The following SV2C variants were observed in gnomAD, a reference collection of about 807,000 sequenced individuals.
The protein encoded by SV2C is solute carrier family 22 member B3.
Under a neutral mutation model 79.7 loss-of-function variants are expected in SV2C, and 49 were observed. The ratio of observed to expected loss-of-function variants is 0.61; its 90% CI spans 0.49 to 0.78. The LOEUF (loss-of-function observed/expected upper bound fraction) is 0.78, where lower values mean the gene tolerates loss of function less well. Ranked by LOEUF, SV2C falls within the 30% of genes least tolerant of loss-of-function variation. SV2C has a pLI of 0.00. For missense variants in SV2C, 833 were observed against 912.9 expected, an observed-to-expected ratio of 0.91 and a Z score of 1.13; for synonymous variants, 334 against 333.2, an observed-to-expected ratio of 1.00 and a Z score of -0.03.
chr5:76,273,441 T>C (rs1326341300), intron 4 of SV2C, among the ~76,000 whole-genome samples: 2 of 151,742 alleles, frequency 1.3e-5, no homozygotes, highest in Non-Finnish European at 2.9e-5. Flanking sequence ...CCTCATTCAC[T>C]CTTTGCATAT....
At chr5:75,996,316 A>G in the SV2C span, among the ~76,000 whole-genome samples, 4 of 152,110 alleles carry the variant, frequency 2.6e-5, no homozygotes, top group African/African-American at 9.7e-5. Flanking sequence ...ATTATTTCTG[A>G]GGGCTCTGTT....
chr5:76,030,289 T>TTTTTTTTTTTATTTA, the SV2C span, among the ~76,000 whole-genome samples: 111 of 117,868 alleles, frequency 9.4e-4, no homozygotes, highest in African/African-American at 4.1e-3. Context: ...TTTTTTTTTT[T>TTTTTTTTTTTATTTA]TTTATTTATT....
At chr5:76,169,451 G>T (rs6872561) in intron 2 of SV2C, among the ~76,000 whole-genome samples, 1,980 of 152,240 alleles carry the variant, frequency 0.013, 46 homozygotes, top group African/African-American at 0.045. Context: ...TATTACAAAG[G>T]CATAAGTAGG....
Position 76,333,575 on chromosome 5 carries a change from G to A in SV2C, c.*8028G>A, listed in dbSNP as rs989636726. 6.6e-6 allele frequency: 1 copy of A among 152,066 alleles called. No homozygotes were observed. The highest frequency in any genetic ancestry group is 2.4e-5 in the African/African-American group (1 of 41,394). 9.4% of individuals were successfully genotyped at this position (152,066 alleles called of 1,614,324 possible). ...CTGTGTAAGATCTCCTGCTATGAAT[G>A]TTCCAGTTACCCCTATTGTACTGTA... On this transcript the variant is annotated 3_prime_UTR_variant, in exon 13 of 13. Coordinates refer to ENST00000502798, the MANE Select transcript of SV2C (RefSeq NM_014979.4).
chr5:76,209,938 G>C (rs186312633), intron 4 of SV2C, 51 bp downstream of exon 4: 4 of 1,551,726 alleles, frequency 2.6e-6, no homozygotes, highest in Non-Finnish European at 3.5e-6. Flanking sequence ...TTTGCTTCAG[G>C]CTCCATTCCC....
chr5:76,073,861 G>C, the SV2C span, among the ~76,000 whole-genome samples: 1 of 151,994 alleles, frequency 6.6e-6, no homozygotes, highest in Non-Finnish European at 1.5e-5. Flanking sequence ...ACTTATTCAT[G>C]TAACAAAACA....
the SV2C span, among the ~76,000 whole-genome samples, chr5:75,882,686 A>T: frequency 5.3e-5 from 8 of 152,110 alleles, no homozygotes; most frequent in Admixed American, 1.3e-4. Context: ...CTGGGAAAAC[A>T]GGCTAGCCAT....
chr5:76,204,407 CCT>C (rs1325798527), intron 3 of SV2C, among the ~76,000 whole-genome samples: 2 of 151,962 alleles, frequency 1.3e-5, no homozygotes, highest in Non-Finnish European at 2.9e-5. Flanking sequence ...TAGACTCTGC[CCT>C]CTGTTTATTA....
chr5:76,035,842 G>A, the SV2C span, among the ~76,000 whole-genome samples: 1 of 152,056 alleles, frequency 6.6e-6, no homozygotes, highest in East Asian at 1.9e-4. Flanking sequence ...TGTTGACAGT[G>A]GGGTGTTAAA....
intron 1 of SV2C, among the ~76,000 whole-genome samples, chr5:76,114,441 G>A (rs920210343): frequency 6.6e-6 from 1 of 152,222 alleles, no homozygotes; most frequent in Non-Finnish European, 1.5e-5. Context: ...AACAGTGCAA[G>A]CTCTGGGGGC....
At chr5:76,334,170 C>G (rs143503795), downstream of SV2C, among the ~76,000 whole-genome samples, 1 of 152,212 alleles carries the variant, frequency 6.6e-6, no homozygotes, top group African/African-American at 2.4e-5. Flanking sequence ...AGAATATGTT[C>G]GTGGGGGAGT....
intron 1 of SV2C, among the ~76,000 whole-genome samples, chr5:76,105,528 T>C (rs1281261784): frequency 2.0e-5 from 3 of 152,140 alleles, no homozygotes; most frequent in Non-Finnish European, 4.4e-5. Context: ...TAGGGCCCTT[T>C]CTCTAAGTTT....
intron 1 of SV2C, among the ~76,000 whole-genome samples, chr5:76,111,487 C>A (rs1344237925): frequency 6.6e-6 from 1 of 152,116 alleles, no homozygotes; most frequent in Non-Finnish European, 1.5e-5. Context: ...TCTCCCTCCA[C>A]CCTGAATATT....
chr5:75,912,085 C>T, the SV2C span, among the ~76,000 whole-genome samples: 77 of 152,284 alleles, frequency 5.1e-4, no homozygotes, highest in East Asian at 0.015. Context: ...GAACATTAGA[C>T]TCAAGGAATA....
At chr5:76,283,781 C>T (rs529569398) in intron 4 of SV2C, among the ~76,000 whole-genome samples, 2 of 152,284 alleles carry the variant, frequency 1.3e-5, no homozygotes, top group Admixed American at 1.3e-4. Context: ...TCAACAAATT[C>T]AGCATTTAAG....
chr5:75,871,824 T>TACACAC, the SV2C span, among the ~76,000 whole-genome samples: 318 of 114,514 alleles, frequency 2.8e-3, 1 homozygote, highest in African/African-American at 0.012. Context: ...TAAATATATA[T>TACACAC]ATATATATAT....
the SV2C span, among the ~76,000 whole-genome samples, chr5:75,898,984 G>A: frequency 0.015 from 2,350 of 151,900 alleles, 52 homozygotes; most frequent in African/African-American, 0.052. Context: ...TCTTGCTAGC[G>A]GTCTAACAAT....
chr5:76,026,205 C>CACAA, the SV2C span, among the ~76,000 whole-genome samples: 1 of 129,910 alleles, frequency 7.7e-6, no homozygotes, highest in African/African-American at 2.7e-5. Context: ...TTTACAAACA[C>CACAA]ACACACACAC....
intron 4 of SV2C, among the ~76,000 whole-genome samples, chr5:76,282,898 G>C (rs1253919471): frequency 6.6e-6 from 1 of 152,036 alleles, no homozygotes; most frequent in Non-Finnish European, 1.5e-5. Context: ...TGTAAACCCA[G>C]CTACTCAGGA....
Sources: allele counts gnomAD v4.1 joint callset (sites outside exome capture counted in the v4.1 genomes callset), GRCh38; gene constraint gnomAD v4.1.1; transcripts MANE v1.5; gene names NCBI Gene and HGNC (gene_info 2026-07-23, HGNC 2026-07-21).